The following PTPRJ variants were observed in gnomAD, a reference collection of about 807,000 sequenced individuals.
The protein encoded by PTPRJ is receptor-type tyrosine-protein phosphatase eta.
A neutral mutation model predicts 141.3 loss-of-function variants in PTPRJ; 129 were observed. The observed-to-expected ratio is 0.91, with a 90% CI of 0.79 to 1.06. PTPRJ has a LOEUF of 1.06. Among genes scored for constraint, PTPRJ ranks in the 50% least tolerant of loss-of-function variants. The pLI is 0.00. For missense variants in PTPRJ, 1,601 were observed against 1,679.7 expected, an observed-to-expected ratio of 0.95 and a Z score of 0.82; for synonymous variants, 610 against 640.5, an observed-to-expected ratio of 0.95 and a Z score of 0.72.
At chr11:48,105,095 C>G (rs1329689904) in intron 1 of PTPRJ, among the ~76,000 whole-genome samples, 1 of 152,074 alleles carries the variant, frequency 6.6e-6, no homozygotes, top group Non-Finnish European at 1.5e-5. Flanking sequence ...TAGAATGGAA[C>G]AGCATTAGAT....
In PTPRJ at chr11:48,139,436, G is replaced by A. The variant is rs767376816; in HGVS notation, c.2153-50G>A. ...TCTGCTACTCCCTATTTCCATGTTTGCAAAGGCAAAAGTCCCGGAATCTCA... is the reference window on the plus strand; with the variant it reads ...TCTGCTACTCCCTATTTCCATGTTTACAAAGGCAAAAGTCCCGGAATCTCA... On this transcript the variant is annotated intron_variant, in intron 10 of 24. Transcript: ENST00000418331. The A allele has an allele frequency of 4.4e-6, 7 of 1,588,798 alleles. No individual in the cohort carries two copies. The African/African-American group carries it at 6.7e-5, about 15-fold the overall frequency.
chr11:48,075,833 T>C (rs1855384514), intron 1 of PTPRJ, among the ~76,000 whole-genome samples: 1 of 152,192 alleles, frequency 6.6e-6, no homozygotes, highest in African/African-American at 2.4e-5. Flanking sequence ...CCTTCTACCA[T>C]GTCTCCTTTT....
intron 1 of PTPRJ, among the ~76,000 whole-genome samples, chr11:48,089,891 G>C (rs1855821782): frequency 6.6e-6 from 1 of 152,182 alleles, no homozygotes; most frequent in Non-Finnish European, 1.5e-5. Flanking sequence ...TTGAAGTGCA[G>C]TGCCTTCATT....
At chr11:48,077,468 T>C (rs1385477744) in intron 1 of PTPRJ, among the ~76,000 whole-genome samples, 1 of 152,204 alleles carries the variant, frequency 6.6e-6, no homozygotes, top group Non-Finnish European at 1.5e-5. Context: ...GACCGACTCT[T>C]CCAGGAATGA....
At chr11:48,042,924 G>C (rs1213783984) in intron 1 of PTPRJ, among the ~76,000 whole-genome samples, 2 of 152,096 alleles carry the variant, frequency 1.3e-5, no homozygotes, top group East Asian at 3.9e-4. Flanking sequence ...AACATAGATA[G>C]CCATATTTTC....
intron 1 of PTPRJ, among the ~76,000 whole-genome samples, chr11:48,008,339 C>T (rs962010408): frequency 2.0e-5 from 3 of 152,200 alleles, no homozygotes; most frequent in Non-Finnish European, 4.4e-5. Flanking sequence ...TGGCTCACTG[C>T]AACCTCCGCC....
Position 48,127,824 on chromosome 11 carries a change from A to G in PTPRJ, c.1138A>G (p.Thr380Ala), listed in dbSNP as rs775379359. The G allele has an allele frequency of 3.1e-6, 5 of 1,614,186 alleles. No homozygotes were observed. Among genetic ancestry groups the G allele is most frequent in the Non-Finnish European group, 4.2e-6 (5 of 1,180,020 alleles). Residue 380 changes from threonine (T) to alanine (A), a missense_variant, in exon 7 of 25, where the codon ACA (threonine) becomes GCA (alanine). Coordinates refer to ENST00000418331, the MANE Select transcript of PTPRJ (RefSeq NM_002843.4). ...CGTCACCGCTGTGAACATCAGTGCC[A>G]CAAGCCTGACCCTGATCTGGAAAGT... Reference protein sequence around the residue: ...FDVTAVNISATSLTLIWKVSD... With the variant: ...FDVTAVNISAASLTLIWKVSD...
At chr11:48,026,324 C>T (rs1205091638) in intron 1 of PTPRJ, among the ~76,000 whole-genome samples, 3 of 152,090 alleles carry the variant, frequency 2.0e-5, no homozygotes, top group African/African-American at 7.2e-5. Flanking sequence ...GGGCAGTTGG[C>T]TGGAACAGAG....
intron 1 of PTPRJ, among the ~76,000 whole-genome samples, chr11:48,051,261 A>G (rs1268865313): frequency 6.6e-6 from 1 of 151,422 alleles, no homozygotes; most frequent in African/African-American, 2.4e-5. Context: ...CGCCTGGCTA[A>G]TTTTTGTATT....
chr11:47,988,879 G>GTTTTTTTTTTTTTTTTTTTTTTT (rs869194701), intron 1 of PTPRJ, among the ~76,000 whole-genome samples: 1 of 76,340 alleles, frequency 1.3e-5, no homozygotes, highest in African/African-American at 6.8e-5. Flanking sequence ...ATTGTATCTT[G>GTTTTTTTTTTTTTTTTTTTTTTT]TTTTTTTTTT....
Position 48,022,467 on chromosome 11 carries a change from GA to G in PTPRJ, c.96+41473del, listed in dbSNP as rs112783037. On this transcript the variant is annotated intron_variant, in intron 1 of 24. Coordinates refer to ENST00000418331, the MANE Select transcript of PTPRJ (RefSeq NM_002843.4). Reference sequence around the variant, plus strand: ...TAACACGAGCAAAACTCCATCTCAAGAAAAAAAAAAAAAATTAAGATGATGA... The same window carrying G: ...TAACACGAGCAAAACTCCATCTCAAGAAAAAAAAAAAAATTAAGATGATGA... Among the ~76,000 whole-genome samples, 612 of 138,000 alleles carry G rather than the reference GA, an allele frequency of 4.4e-3. 3 individuals carry two copies. Among genetic ancestry groups the G allele is most frequent in the Non-Finnish European group, 3.6e-3 (227 of 63,070 alleles). 90.5% of individuals were successfully genotyped at this position (138,000 alleles called of 152,430 possible). A position where few individuals can be genotyped will look rare whatever the true frequency, so the allele number is the denominator to read the frequency against.
chr11:48,066,424 GAGTTA>G (rs971563271), intron 1 of PTPRJ, among the ~76,000 whole-genome samples: 34 of 152,048 alleles, frequency 2.2e-4, no homozygotes, highest in African/African-American at 8.2e-4. Context: ...TGAGGTTCAG[GAGTTA>G]AGTCAGCCCC....
At chr11:48,012,141 G>A (rs2134202763) in intron 1 of PTPRJ, among the ~76,000 whole-genome samples, 1 of 152,236 alleles carries the variant, frequency 6.6e-6, no homozygotes, top group South Asian at 2.1e-4. Context: ...CCTGTGAAGT[G>A]GGTGTTCTGG....
rs77355195 is a variant in PTPRJ at position 48,163,057 on chromosome 11, G to C, written c.3559-401G>C. On this transcript the variant is annotated intron_variant, in intron 22 of 24. Coordinates refer to ENST00000418331, the MANE Select transcript of PTPRJ (RefSeq NM_002843.4). Reference sequence around the variant, plus strand: ...GGTTTTATTGTCAGTGACATTCCCAGGGGGGCTCGGGGATGGGGCTCATGC... The same window carrying C: ...GGTTTTATTGTCAGTGACATTCCCACGGGGGCTCGGGGATGGGGCTCATGC... Among the ~76,000 whole-genome samples, 389 of 152,236 alleles carry C rather than the reference G, an allele frequency of 2.6e-3. 1 individual carries two copies. The highest frequency in any genetic ancestry group is 9.1e-3 in the African/African-American group (380 of 41,536).
In PTPRJ at chr11:48,131,051, C is replaced by CACATAT. The variant is rs1286082298; in HGVS notation, c.1615+336_1615+337insCATATA. On this transcript the variant is annotated intron_variant, in intron 8 of 24. Transcript: ENST00000418331. ...TTTAATACACACACACACACACACA[C>CACATAT]ATATATATATATATATATATTTTTT... is the stretch of plus-strand genomic sequence containing the variant. Among the ~76,000 whole-genome samples, 80 of 112,078 alleles carry CACATAT rather than the reference C, an allele frequency of 7.1e-4. 2 individuals are homozygous for CACATAT. Among genetic ancestry groups the CACATAT allele is most frequent in the African/African-American group, 3.0e-3 (76 of 25,036 alleles). 73.5% of individuals were successfully genotyped at this position (112,078 alleles called of 152,430 possible). A position where few individuals can be genotyped will look rare whatever the true frequency, so the allele number is the denominator to read the frequency against.
chr11:48,055,178 C>T (rs1854720224), intron 1 of PTPRJ, among the ~76,000 whole-genome samples: 1 of 150,700 alleles, frequency 6.6e-6, no homozygotes, highest in Non-Finnish European at 1.5e-5. Flanking sequence ...GCAGTGAGAT[C>T]CCATCTCTAA....
intron 1 of PTPRJ, among the ~76,000 whole-genome samples, chr11:48,080,523 T>G (rs1033862536): frequency 9.9e-5 from 15 of 152,170 alleles, no homozygotes; most frequent in African/African-American, 3.6e-4. Flanking sequence ...CTGAGTGGCT[T>G]CCTAGCTCCT....
At chr11:48,120,919 TG>T in intron 3 of PTPRJ, 83 bp from the exon 4 acceptor site, 1 of 1,277,416 alleles carries the variant, frequency 7.8e-7, no homozygotes, top group Non-Finnish European at 1.1e-6. Context: ...AAGTCACTTC[TG>T]GAAACTAGAC....
chr11:48,054,547 G>C (rs1032548998), intron 1 of PTPRJ, among the ~76,000 whole-genome samples: 3 of 152,076 alleles, frequency 2.0e-5, no homozygotes, highest in African/African-American at 2.4e-5. Flanking sequence ...TGCCCACCTA[G>C]TTAGAAGCAC....
Sources: allele counts gnomAD v4.1 joint callset (sites outside exome capture counted in the v4.1 genomes callset), GRCh38; gene constraint gnomAD v4.1.1; transcripts MANE v1.5; gene names NCBI Gene and HGNC (gene_info 2026-07-23, HGNC 2026-07-21).